The following HTR7 variants were observed in gnomAD, a reference collection of about 807,000 sequenced individuals.
The protein encoded by HTR7 is 5-hydroxytryptamine receptor 7.
HTR7 carries 16 observed loss-of-function variants against 34.0 expected under a neutral mutation model. The observed-to-expected ratio is 0.47, with a 90% CI of 0.32 to 0.71. HTR7 has a LOEUF of 0.71. HTR7 is among the 30% of genes least tolerant of loss of function. The pLI is 0.04. For missense variants in HTR7, 504 were observed against 625.5 expected (o/e 0.81, Z 2.07); for synonymous variants, 265 against 260.2 (o/e 1.02, Z -0.18).
At chr10:90,784,825 T>C (rs1029779098) in intron 1 of HTR7, among the ~76,000 whole-genome samples, 3 of 152,204 alleles carry the variant, frequency 2.0e-5, no homozygotes, top group Non-Finnish European at 4.4e-5. Flanking sequence ...TGACTTGGCA[T>C]CATTAGTTCC....
intron 1 of HTR7, among the ~76,000 whole-genome samples, chr10:90,779,119 T>A (rs1420848366): frequency 6.6e-6 from 1 of 152,174 alleles, no homozygotes; most frequent in East Asian, 1.9e-4. Flanking sequence ...AACATGCCAC[T>A]TCATAGTGTT....
At chr10:90,816,772 ATACAAG>A (rs1845904224) in intron 1 of HTR7, among the ~76,000 whole-genome samples, 1 of 152,142 alleles carries the variant, frequency 6.6e-6, no homozygotes, top group Non-Finnish European at 1.5e-5. Context: ...TGCTAAAACT[ATACAAG>A]CACCCTCCCT....
intron 1 of HTR7, among the ~76,000 whole-genome samples, chr10:90,797,426 T>C (rs556828850): frequency 6.7e-4 from 102 of 152,322 alleles, no homozygotes; most frequent in African/African-American, 2.3e-3. Flanking sequence ...TAAGCAAACT[T>C]GTTAGAATTG....
At chr10:90,746,512 T>C (rs1236956781) in intron 2 of HTR7, among the ~76,000 whole-genome samples, 2 of 152,190 alleles carry the variant, frequency 1.3e-5, no homozygotes, top group Non-Finnish European at 1.5e-5. Flanking sequence ...CTCCTCACTA[T>C]TGCCAGAGAG....
rs565114155 is a variant in HTR7, at chr10:90,775,466, T to C, written c.540-25872A>G. On this transcript the variant is annotated intron_variant, in intron 1 of 3. Transcript: ENST00000336152. ...ATGCAAAGGCCCACAGGGAACACCATGTGGCCATGATCATGAAACAGCAAA... is the reference window on the plus strand; with the variant it reads ...ATGCAAAGGCCCACAGGGAACACCACGTGGCCATGATCATGAAACAGCAAA... Among the ~76,000 whole-genome samples the C allele has an allele frequency of 2.4e-4, 36 of 152,264 alleles. 1 individual carries two copies. In the South Asian group the frequency reaches 7.5e-3, roughly 32 times the overall value.
intron 1 of HTR7, among the ~76,000 whole-genome samples, chr10:90,762,907 C>T (rs774369981): frequency 2.0e-5 from 3 of 152,150 alleles, no homozygotes. Context: ...CCCCATTGTG[C>T]ACTCTTGGCA....
At chr10:90,814,140 G>A (rs1845861042) in intron 1 of HTR7, among the ~76,000 whole-genome samples, 1 of 152,294 alleles carries the variant, frequency 6.6e-6, no homozygotes, top group Non-Finnish European at 1.5e-5. Context: ...TCCAGACAAT[G>A]GTGCTGTTTC....
chr10:90,837,175 G>A (rs966755747), intron 1 of HTR7, among the ~76,000 whole-genome samples: 20 of 152,258 alleles, frequency 1.3e-4, no homozygotes, highest in African/African-American at 2.6e-4. Flanking sequence ...TTAATCAGAC[G>A]TGGTCTTGAG....
chr10:90,798,170 AGTT>A (rs763869564), intron 1 of HTR7, among the ~76,000 whole-genome samples: 31 of 152,260 alleles, frequency 2.0e-4, no homozygotes, highest in Non-Finnish European at 2.9e-4. Flanking sequence ...AAAAAATGGG[AGTT>A]GTTGTTTTAT....
chr10:90,857,492 C>G lies in HTR7; in HGVS notation c.180G>C (p.Trp60Cys), dbSNP rs375020828. 2.2e-4 allele frequency: 349 copies of G among 1,613,104 alleles called. No homozygotes were observed. The highest frequency in any genetic ancestry group is 2.8e-4 in the Non-Finnish European group (328 of 1,179,944). Reference sequence around the variant, plus strand: ...CGGAGGCATTGTCCGGGGGCGCGTCCCAGGTGGGCGCCGGGCTGGCTGTCA... The same window carrying G: ...CGGAGGCATTGTCCGGGGGCGCGTCGCAGGTGGGCGCCGGGCTGGCTGTCA... ...SEVTASPAPT[W>C]DAPPDNASGC... The change falls in exon 1 of 4, where the codon TGG becomes TGC. Residue 60 changes from tryptophan to cysteine, a missense_variant. By Grantham distance (215) the Trp-to-Cys change is radical. Coordinates refer to ENST00000336152, the MANE Select transcript of HTR7 (RefSeq NM_019859.4). This position sits in a 1 kb window ranked among gnomAD's most constrained non-coding sequence, Gnocchi z 6.5.
At chr10:90,804,541 C>T (rs1845674446) in intron 1 of HTR7, among the ~76,000 whole-genome samples, 1 of 152,200 alleles carries the variant, frequency 6.6e-6, no homozygotes, top group Admixed American at 6.5e-5. Context: ...CATGCTCCCC[C>T]TCCCACAAGA....
intron 1 of HTR7, among the ~76,000 whole-genome samples, chr10:90,822,199 A>C (rs542464249): frequency 2.0e-5 from 3 of 152,206 alleles, no homozygotes; most frequent in Non-Finnish European, 4.4e-5. Context: ...GGAACTTCCT[A>C]GAGACTTGTT....
At chr10:90,792,495 A>G (rs1392049891) in intron 1 of HTR7, among the ~76,000 whole-genome samples, 1 of 152,054 alleles carries the variant, frequency 6.6e-6, no homozygotes, top group Non-Finnish European at 1.5e-5. Flanking sequence ...ACTTTTAAAT[A>G]TATATATTTC....
intron 1 of HTR7, among the ~76,000 whole-genome samples, chr10:90,854,158 G>C (rs1846544284): frequency 1.3e-5 from 2 of 152,226 alleles, no homozygotes; most frequent in Admixed American, 1.3e-4. Flanking sequence ...TTGATGTCAT[G>C]AGTTTGCCAA....
chr10:90,817,222 A>T (rs1009196435), intron 1 of HTR7, among the ~76,000 whole-genome samples: 4 of 152,182 alleles, frequency 2.6e-5, no homozygotes, highest in Non-Finnish European at 4.4e-5. Context: ...CCCCAGAGAA[A>T]CCTGAAAAGC....
chr10:90,800,974 C>G (rs1036132869), intron 1 of HTR7, among the ~76,000 whole-genome samples: 1 of 152,190 alleles, frequency 6.6e-6, no homozygotes, highest in African/African-American at 2.4e-5. Context: ...ATTCTCCTAT[C>G]AGTGCTGGCA....
chr10:90,813,252 C>G (rs146218770), intron 1 of HTR7, among the ~76,000 whole-genome samples: 1 of 152,138 alleles, frequency 6.6e-6, no homozygotes, highest in Non-Finnish European at 1.5e-5. Context: ...CACACGGACG[C>G]GCATGAAACC....
intron 1 of HTR7, among the ~76,000 whole-genome samples, chr10:90,828,897 T>C (rs1032514064): frequency 2.6e-5 from 4 of 151,206 alleles, no homozygotes; most frequent in Admixed American, 2.6e-4. Context: ...CTAGATAGGA[T>C]GTAGAAGTCT....
At chr10:90,764,233 G>A (rs563542402) in intron 1 of HTR7, among the ~76,000 whole-genome samples, 29 of 152,246 alleles carry the variant, frequency 1.9e-4, no homozygotes, top group African/African-American at 7.0e-4. Context: ...TTCTTCCTAT[G>A]TTTGTTGGCC....
Sources: allele counts gnomAD v4.1 joint callset (sites outside exome capture counted in the v4.1 genomes callset), GRCh38; gene constraint gnomAD v4.1.1; non-coding constraint Gnocchi (gnomAD v3.1); transcripts MANE v1.5; gene names NCBI Gene and HGNC (gene_info 2026-07-23, HGNC 2026-07-21).